The following GRIA1 variants were observed in gnomAD, a reference collection of about 807,000 sequenced individuals.
GRIA1 encodes glutamate receptor 1.
GRIA1 carries 31 observed loss-of-function variants against 99.2 expected under a neutral mutation model. That is an observed-to-expected ratio of 0.31 (90% CI 0.23 to 0.42). GRIA1 has a LOEUF of 0.42. Ranked by LOEUF, GRIA1 falls within the 10% of genes least tolerant of loss-of-function variation. The probability of loss-of-function intolerance (pLI) is 1.00; values close to 1 mark genes in which losing one functional copy is unlikely to be tolerated. For missense variants in GRIA1, 782 were observed against 1,157.5 expected, an observed-to-expected ratio of 0.68 and a Z score of 4.71; for synonymous variants, 438 against 432.4, an observed-to-expected ratio of 1.01 and a Z score of -0.16.
chr5:153,502,874 C>T (rs1360871947), intron 2 of GRIA1, among the ~76,000 whole-genome samples: 1 of 152,166 alleles, frequency 6.6e-6, no homozygotes, highest in East Asian at 1.9e-4. Context: ...GCTATAGGAA[C>T]AGAGACAGCA....
At chr5:153,621,856 C>G (rs1767079133) in intron 2 of GRIA1, among the ~76,000 whole-genome samples, 2 of 152,110 alleles carry the variant, frequency 1.3e-5, no homozygotes, top group African/African-American at 4.8e-5. Flanking sequence ...AATTTAGAAG[C>G]CTTGCTTTTT....
chr5:153,578,590 G>T (rs750560397), intron 2 of GRIA1, among the ~76,000 whole-genome samples: 1 of 152,160 alleles, frequency 6.6e-6, no homozygotes, highest in African/African-American at 2.4e-5. Context: ...AGTAGAAAGG[G>T]ATGTGGTCTC....
chr5:153,698,255 C>T, intron 9 of GRIA1, 101 bp downstream of exon 9: 1 of 612,616 alleles, frequency 1.6e-6, no homozygotes, highest in South Asian at 2.2e-5. Context: ...CTTGCCAAAA[C>T]TGTGTAATAG....
intron 11 of GRIA1, among the ~76,000 whole-genome samples, chr5:153,740,420 A>T (rs796179498): frequency 4.6e-5 from 7 of 152,356 alleles, no homozygotes; most frequent in African/African-American, 1.7e-4. Context: ...CACTCTCAGC[A>T]CAGTGTCAGG....
In GRIA1 at chr5:153,601,569, A is replaced by G. The variant is rs192139638; in HGVS notation, c.221-45359A>G. 4.6e-3 allele frequency among the ~76,000 whole-genome samples: 695 copies of G among 152,350 alleles called. 3 individuals carry two copies. Among genetic ancestry groups the G allele is most frequent in the Non-Finnish European group, 6.8e-3 (464 of 68,032 alleles). ...TAAAAGCAAAAGTGAAAATTAAATC[A>G]GAGCGGAAAACACCTCTCTATTCAA... On this transcript the variant is annotated intron_variant, in intron 2 of 15. Transcript: ENST00000285900.
intron 13 of GRIA1, among the ~76,000 whole-genome samples, chr5:153,791,227 G>T (rs1765281348): frequency 6.7e-6 from 1 of 149,638 alleles, no homozygotes; most frequent in South Asian, 2.1e-4. Flanking sequence ...TTGAGGCCAG[G>T]AGTTAGAGAC....
At chr5:153,808,790 G>T (rs984802118) in intron 15 of GRIA1, among the ~76,000 whole-genome samples, 4 of 152,220 alleles carry the variant, frequency 2.6e-5, no homozygotes, top group Non-Finnish European at 4.4e-5. Flanking sequence ...AAAGAAGCCA[G>T]TGAGAAGGTA....
At chr5:153,715,152 G>A (rs1416239201) in intron 11 of GRIA1, among the ~76,000 whole-genome samples, 2 of 152,146 alleles carry the variant, frequency 1.3e-5, no homozygotes, top group Admixed American at 6.5e-5. Flanking sequence ...CTGCAAAATG[G>A]AAGTAAGATG....
intron 2 of GRIA1, among the ~76,000 whole-genome samples, chr5:153,575,688 A>T (rs558024450): frequency 3.1e-4 from 47 of 152,318 alleles, no homozygotes; most frequent in African/African-American, 1.1e-3. Context: ...AATCCAGTAT[A>T]ACCAAGTCTC....
At chr5:153,728,621 A>T (rs952819302) in intron 11 of GRIA1, among the ~76,000 whole-genome samples, 1 of 97,036 alleles carries the variant, frequency 1.0e-5, no homozygotes, top group African/African-American at 4.3e-5. Context: ...CAGCCAAAAG[A>T]CACATGAAAA....
intron 7 of GRIA1, among the ~76,000 whole-genome samples, chr5:153,681,044 G>A (rs1756937101): frequency 2.6e-5 from 4 of 152,164 alleles, no homozygotes. Flanking sequence ...TTTCATTTTA[G>A]CTAATAGTTT....
intron 2 of GRIA1, among the ~76,000 whole-genome samples, chr5:153,626,430 C>CTGTGTGTGTGTGTA (rs1354402633): frequency 3.7e-4 from 49 of 132,908 alleles, no homozygotes; most frequent in Non-Finnish European, 5.7e-4. Context: ...AATCTAGTCT[C>CTGTGTGTGTGTGTA]TGTGTGTGTG....
At chr5:153,705,092 A>G (rs1758795136) in intron 10 of GRIA1, among the ~76,000 whole-genome samples, 1 of 152,208 alleles carries the variant, frequency 6.6e-6, no homozygotes, top group Non-Finnish European at 1.5e-5. Flanking sequence ...CCTCTGTGTC[A>G]ATACAGAGGG....
At chr5:153,556,805 C>A (rs1760687726) in intron 2 of GRIA1, among the ~76,000 whole-genome samples, 1 of 152,170 alleles carries the variant, frequency 6.6e-6, no homozygotes, top group Non-Finnish European at 1.5e-5. Context: ...GTTATGTGTC[C>A]ATTAACAATT....
At chr5:153,608,130 T>C (rs1407911559) in intron 2 of GRIA1, among the ~76,000 whole-genome samples, 1 of 152,186 alleles carries the variant, frequency 6.6e-6, no homozygotes, top group Non-Finnish European at 1.5e-5. Context: ...TGCTTTATTG[T>C]TGATCTTTTG....
At position 153,571,323 on chromosome 5, in the gene GRIA1, C is replaced by G. The variant is rs1581247413; in HGVS notation, c.221-75605C>G. Among the ~76,000 whole-genome samples, 3 of 152,100 alleles carry G rather than the reference C, an allele frequency of 2.0e-5. No homozygotes were observed. The South Asian group carries it at 6.2e-4, about 32-fold the overall frequency. On this transcript the variant is annotated intron_variant, in intron 2 of 15. Coordinates refer to ENST00000285900, the MANE Select transcript of GRIA1 (RefSeq NM_000827.4). ...CACGGGGTAGCCAGTGACAGGCAGG[C>G]AGACAGGAGTGGGGAATTTTTTTTC...
chr5:153,746,030 C>T (rs1296291740), intron 11 of GRIA1, among the ~76,000 whole-genome samples: 3 of 152,192 alleles, frequency 2.0e-5, no homozygotes, highest in Admixed American at 2.0e-4. Context: ...CATTTCACAG[C>T]TAGGTGAAAC....
At chr5:153,589,843 G>A (rs1341798898) in intron 2 of GRIA1, among the ~76,000 whole-genome samples, 2 of 152,072 alleles carry the variant, frequency 1.3e-5, no homozygotes, top group African/African-American at 4.8e-5. Flanking sequence ...TGTACTGTAT[G>A]GAAAAAGAGG....
intron 15 of GRIA1, among the ~76,000 whole-genome samples, chr5:153,808,662 G>A (rs1345744044): frequency 2.0e-5 from 3 of 152,170 alleles, no homozygotes; most frequent in African/African-American, 7.2e-5. Flanking sequence ...CTCCCTGGAT[G>A]GTTCCAATGT....
Sources: gnomAD v4.1 joint callset for allele counts (sites outside exome capture counted in the v4.1 genomes callset) on GRCh38, gnomAD v4.1.1 for gene constraint, MANE v1.5 for transcripts, NCBI Gene and HGNC (gene_info 2026-07-23, HGNC 2026-07-21) for gene names.